PACRG: variants seen among roughly 807,000 people sequenced by gnomAD.
PACRG encodes parkin coregulated gene protein.
PACRG carries 29 observed loss-of-function variants against 29.7 expected under a neutral mutation model. The ratio of observed to expected loss-of-function variants is 0.98; its 90% confidence interval spans 0.73 to 1.33. The LOEUF is 1.33. PACRG is among the 40% of genes most tolerant of loss of function. The pLI, the probability that PACRG is intolerant of heterozygous loss-of-function variation, is 0.00. For synonymous variants in PACRG, 116 were observed against 118.7 expected (o/e 0.98, Z 0.15); for missense variants, 279 against 316.2 (o/e 0.88, Z 0.89).
chr6:162,930,023 C>T (rs1272317836), intron 2 of PACRG, among the ~76,000 whole-genome samples: 1 of 151,502 alleles, frequency 6.6e-6, no homozygotes, highest in African/African-American at 2.4e-5. Context: ...ATGTCTCCAG[C>T]TTTGTTTTGT....
Position 163,194,898 on chromosome 6 carries a change from G to A in PACRG, c.613+105490G>A, listed in dbSNP as rs114345811. 7.7e-3 allele frequency among the ~76,000 whole-genome samples: 1,127 copies of A among 146,520 alleles called. 4 individuals carry two copies. The highest frequency in any genetic ancestry group is 0.026 in the African/African-American group (1,012 of 39,650). On this transcript the variant is annotated intron_variant, in intron 4 of 4. Coordinates refer to ENST00000366888, the MANE Select transcript of PACRG (RefSeq NM_001080379.2). ...CCTTCACTCTCCCCTCCTTCCCCAC[G>A]CCCCTCCCTCCCTTTTGGTCATCAG... is the stretch of plus-strand genomic sequence containing the variant.
At chr6:162,841,511 A>G (rs188694692) in intron 2 of PACRG, among the ~76,000 whole-genome samples, 70 of 152,070 alleles carry the variant, frequency 4.6e-4, no homozygotes, top group African/African-American at 1.6e-3. Context: ...TCTTGCTAGC[A>G]GTCTATCAAT....
intron 2 of PACRG, among the ~76,000 whole-genome samples, chr6:162,922,229 C>A (rs928232530): frequency 6.7e-6 from 1 of 148,972 alleles, no homozygotes; most frequent in Non-Finnish European, 1.5e-5. Context: ...CTCCTTCCTG[C>A]CTATGTTATT....
intron 4 of PACRG, among the ~76,000 whole-genome samples, chr6:163,258,073 T>C (rs907645533): frequency 1.3e-5 from 2 of 152,190 alleles, no homozygotes; most frequent in African/African-American, 4.8e-5. Context: ...AACTAGAGTT[T>C]TCAGAACACT....
chr6:163,230,413 C>T (rs1585352586), intron 4 of PACRG, among the ~76,000 whole-genome samples: 1 of 152,160 alleles, frequency 6.6e-6, no homozygotes, highest in African/African-American at 2.4e-5. Flanking sequence ...ATGGACAAAA[C>T]ATCCGAAAGA....
intron 3 of PACRG, among the ~76,000 whole-genome samples, chr6:163,067,725 G>T (rs776934722): frequency 4.6e-5 from 7 of 152,174 alleles, no homozygotes; most frequent in Non-Finnish European, 8.8e-5. Flanking sequence ...ACTGGTTTTA[G>T]CAGGGACTGC....
At chr6:162,779,004 A>C (rs1783874843) in intron 1 of PACRG, among the ~76,000 whole-genome samples, 1 of 152,154 alleles carries the variant, frequency 6.6e-6, no homozygotes, top group East Asian at 1.9e-4. Flanking sequence ...AGCACCCATT[A>C]GCGGTTCTTC....
At chr6:162,878,352 A>G (rs536746704) in intron 2 of PACRG, among the ~76,000 whole-genome samples, 1 of 152,338 alleles carries the variant, frequency 6.6e-6, no homozygotes, top group East Asian at 1.9e-4. Flanking sequence ...TTCACTAAGT[A>G]AAAAAACACA....
chr6:163,077,509 G>A (rs1385098890), intron 3 of PACRG, among the ~76,000 whole-genome samples: 1 of 152,108 alleles, frequency 6.6e-6, no homozygotes, highest in Non-Finnish European at 1.5e-5. Flanking sequence ...CACCGAGTAA[G>A]AATGAAATAT....
intron 4 of PACRG, chr6:163,183,706 A>T (rs1315285283): frequency 6.6e-6 from 1 of 152,260 alleles, no homozygotes; most frequent in Non-Finnish European, 1.5e-5. Flanking sequence ...TTGACTAAAG[A>T]ATTGTAAAAC....
At chr6:163,312,949 C>T (rs1184389824) in intron 4 of PACRG, 1 of 247,850 alleles carries the variant, frequency 4.0e-6, no homozygotes, top group Non-Finnish European at 8.1e-6. Flanking sequence ...GAGATGGGGT[C>T]TTGCTGTTGT....
At chr6:163,205,465 A>T (rs1018717769) in intron 4 of PACRG, among the ~76,000 whole-genome samples, 3 of 152,124 alleles carry the variant, frequency 2.0e-5, no homozygotes, top group African/African-American at 7.2e-5. Flanking sequence ...TAGGGAAAGG[A>T]CTCCCTATTC....
At chr6:163,178,076 G>A (rs994139931) in intron 4 of PACRG, among the ~76,000 whole-genome samples, 1 of 152,146 alleles carries the variant, frequency 6.6e-6, no homozygotes, top group East Asian at 1.9e-4. Context: ...AAGTTGGAAC[G>A]GAGAGCAGAC....
upstream of PACRG, chr6:162,727,276 T>TGAGGTGAGGGGCG (rs1779278983): frequency 1.5e-5 from 3 of 202,562 alleles, no homozygotes; most frequent in Non-Finnish European, 2.8e-5. Flanking sequence ...AACCGGCCAG[T>TGAGGTGAGGGGCG]GAGGTGAGGG....
At chr6:162,963,133 A>C (rs1014185363) in intron 2 of PACRG, among the ~76,000 whole-genome samples, 2 of 152,210 alleles carry the variant, frequency 1.3e-5, no homozygotes, top group African/African-American at 4.8e-5. Flanking sequence ...GGTTTTCCAT[A>C]ATTAATTGCT....
At chr6:162,914,858 G>A (rs1228060084) in intron 2 of PACRG, among the ~76,000 whole-genome samples, 5 of 151,782 alleles carry the variant, frequency 3.3e-5, no homozygotes, top group Non-Finnish European at 7.4e-5. Flanking sequence ...TTTTCAGCTA[G>A]TATATAAGAA....
intron 2 of PACRG, among the ~76,000 whole-genome samples, chr6:162,946,045 C>T (rs1420034114): frequency 6.6e-6 from 1 of 151,848 alleles, no homozygotes; most frequent in Non-Finnish European, 1.5e-5. Context: ...TGATAAATGC[C>T]TGTGTCAAAA....
At chr6:162,931,832 T>C (rs572721719) in intron 2 of PACRG, among the ~76,000 whole-genome samples, 1 of 152,110 alleles carries the variant, frequency 6.6e-6, no homozygotes, top group East Asian at 1.9e-4. Flanking sequence ...GTACAACCAA[T>C]TTAGAGAACA....
chr6:162,890,646 GCCA>G (rs1272452457), intron 2 of PACRG, among the ~76,000 whole-genome samples: 1 of 152,102 alleles, frequency 6.6e-6, no homozygotes, highest in Non-Finnish European at 1.5e-5. Context: ...ACCACCTCCT[GCCA>G]GAAAGGAGAC....
Sources: allele counts gnomAD v4.1 joint callset (sites outside exome capture counted in the v4.1 genomes callset), GRCh38; gene constraint gnomAD v4.1.1; transcripts MANE v1.5; gene names NCBI Gene and HGNC (gene_info 2026-07-23, HGNC 2026-07-21).